ADGRL2: variants seen among roughly 807,000 people sequenced by gnomAD.
The protein encoded by ADGRL2 is adhesion G protein-coupled receptor L2.
Under a neutral mutation model 157.4 loss-of-function variants are expected in ADGRL2, and 44 were observed. That is an observed-to-expected ratio of 0.28 (90% CI 0.22 to 0.36). The LOEUF (loss-of-function observed/expected upper bound fraction) is 0.36. ADGRL2 is among the 10% of genes least tolerant of loss of function. The probability of loss-of-function intolerance (pLI) is 1.00; values close to 1 mark genes in which losing one functional copy is unlikely to be tolerated. For missense variants in ADGRL2, 1,510 were observed against 1,768.9 expected (o/e 0.85, Z 2.63); for synonymous variants, 585 against 624.7 (o/e 0.94, Z 0.95).
intron 17 of ADGRL2, among the ~76,000 whole-genome samples, chr1:81,978,565 T>A (rs1001305435): frequency 1.3e-5 from 2 of 151,800 alleles, no homozygotes; most frequent in Admixed American, 6.6e-5. Flanking sequence ...AGAGAAATCA[T>A]AGGGCACAGT....
intron 1 of ADGRL2, among the ~76,000 whole-genome samples, chr1:81,822,137 G>A (rs1013273463): frequency 2.7e-5 from 4 of 149,836 alleles, no homozygotes; most frequent in Non-Finnish European, 4.4e-5. Flanking sequence ...GAACTGGAGT[G>A]CCGTTGTCTG....
chr1:81,660,925 A>T (rs2082637576), intron 3 of ADGRL2, among the ~76,000 whole-genome samples: 1 of 152,216 alleles, frequency 6.6e-6, no homozygotes, highest in Non-Finnish European at 1.5e-5. Flanking sequence ...CTGTTAGAGG[A>T]GAGTTCAGGG....
intron 1 of ADGRL2, among the ~76,000 whole-genome samples, chr1:81,342,938 T>C (rs1662180432): frequency 6.6e-6 from 1 of 152,090 alleles, no homozygotes. Flanking sequence ...GAAATGTCTG[T>C]CAATAGATAC....
chr1:81,825,060 A>G (rs1258241330), intron 1 of ADGRL2, among the ~76,000 whole-genome samples: 5 of 151,528 alleles, frequency 3.3e-5, no homozygotes, highest in African/African-American at 7.3e-5. Flanking sequence ...AATACATACA[A>G]TAGGGCTGGG....
At chr1:81,531,083 CAAA>C (rs66485040) in intron 2 of ADGRL2, among the ~76,000 whole-genome samples, 17 of 120,016 alleles carry the variant, frequency 1.4e-4, no homozygotes, top group Non-Finnish European at 1.7e-4. Flanking sequence ...GACTCTGTTT[CAAA>C]AAAAAAAAAA....
Position 81,747,677 on chromosome 1 carries a change from G to A in ADGRL2, c.-142-14134G>A, listed in dbSNP as rs143830933. On this transcript the variant is annotated intron_variant, in intron 1 of 20. Transcript: ENST00000359929. Reference sequence around the variant, plus strand: ...ATTCAACATAGTCCTTTATTTGACTGAAAAATAATTTTTCCTTTAATGTTT... The same window carrying A: ...ATTCAACATAGTCCTTTATTTGACTAAAAAATAATTTTTCCTTTAATGTTT... Among the ~76,000 whole-genome samples the A allele has an allele frequency of 2.7e-3, 404 of 150,996 alleles. 1 individual carries two copies. Among genetic ancestry groups the A allele is most frequent in the African/African-American group, 9.4e-3 (386 of 41,070 alleles).
At chr1:81,445,134 A>G (rs1377276611) in intron 2 of ADGRL2, 1 of 152,196 alleles carries the variant, frequency 6.6e-6, no homozygotes, top group Non-Finnish European at 1.5e-5. Flanking sequence ...TTCAATTATG[A>G]TATGAATTCA....
chr1:81,685,277 T>C (rs1299602199), intron 3 of ADGRL2, among the ~76,000 whole-genome samples: 1 of 152,214 alleles, frequency 6.6e-6, no homozygotes, highest in Non-Finnish European at 1.5e-5. Flanking sequence ...GCATAGGATG[T>C]GTTTCCATTA....
intron 1 of ADGRL2, among the ~76,000 whole-genome samples, chr1:81,378,258 G>A (rs188189984): frequency 7.2e-5 from 11 of 152,156 alleles, no homozygotes; most frequent in Admixed American, 7.2e-4. Context: ...TGTCATCAAG[G>A]TGTCCAAGTT....
intron 2 of ADGRL2, among the ~76,000 whole-genome samples, chr1:81,782,521 G>T (rs1246369833): frequency 6.6e-6 from 1 of 152,160 alleles, no homozygotes; most frequent in African/African-American, 2.4e-5. Context: ...TACACCCAGT[G>T]AGCCTATTCT....
At chr1:81,429,209 T>C (rs2077275444) in intron 1 of ADGRL2, among the ~76,000 whole-genome samples, 1 of 152,082 alleles carries the variant, frequency 6.6e-6, no homozygotes, top group South Asian at 2.1e-4. Context: ...TTCCTAGTTT[T>C]CCCACTTCCT....
Position 81,472,993 on chromosome 1 carries a change from T to G in ADGRL2, c.-248+27904T>G, listed in dbSNP as rs555270249. Reference sequence around the variant, plus strand: ...CCCGTTCATTTCTTTCTCAACCACTTTATGGAAATTTTCTCCACAATTAGG... The same window carrying G: ...CCCGTTCATTTCTTTCTCAACCACTGTATGGAAATTTTCTCCACAATTAGG... On this transcript the variant is annotated intron_variant, in intron 2 of 24. Coordinates refer to the ADGRL2 transcript ENST00000370721. Among the ~76,000 whole-genome samples the G allele has an allele frequency of 2.0e-5, 3 of 152,172 alleles. No homozygotes were observed. In the East Asian group the frequency reaches 5.8e-4, roughly 30 times the overall value.
chr1:81,637,980 G>A (rs928963963), intron 3 of ADGRL2, among the ~76,000 whole-genome samples: 2 of 151,780 alleles, frequency 1.3e-5, no homozygotes, highest in Admixed American at 6.6e-5. Flanking sequence ...TTTGAATTGG[G>A]ACTTAAATAT....
intron 1 of ADGRL2, among the ~76,000 whole-genome samples, chr1:81,746,880 G>T (rs956339996): frequency 6.7e-6 from 1 of 148,338 alleles, no homozygotes; most frequent in African/African-American, 2.5e-5. Context: ...ATATACACAC[G>T]TGCACACGTA....
Position 81,703,313 on chromosome 1 carries a change from G to A in ADGRL2, c.-143+3505G>A, listed in dbSNP as rs531163743. Among the ~76,000 whole-genome samples the A allele has an allele frequency of 1.4e-4, 21 of 152,330 alleles. No homozygotes were observed. The South Asian group carries it at 4.3e-3, about 32-fold the overall frequency. ...ATTTGAGCATGTTTGCAGAAGGGAAGAAATTAGTGGAGCAGGGGCAATTGG... is the reference window on the plus strand; with the variant it reads ...ATTTGAGCATGTTTGCAGAAGGGAAAAAATTAGTGGAGCAGGGGCAATTGG... On this transcript the variant is annotated intron_variant, in intron 1 of 20. Transcript: ENST00000359929.
At chr1:81,725,893 G>T (rs1043813632) in intron 1 of ADGRL2, among the ~76,000 whole-genome samples, 4 of 152,134 alleles carry the variant, frequency 2.6e-5, no homozygotes, top group African/African-American at 9.7e-5. Context: ...TGAGGTGGGA[G>T]AATTGCTTGA....
intron 1 of ADGRL2, among the ~76,000 whole-genome samples, chr1:81,830,998 C>T (rs1434316023): frequency 5.3e-5 from 8 of 152,042 alleles, no homozygotes; most frequent in South Asian, 2.1e-4. Flanking sequence ...TGGCCAGTAA[C>T]GGTGATTTAT....
chr1:81,534,161 ATTTATTT>A (rs2079675724), intron 2 of ADGRL2, among the ~76,000 whole-genome samples: 1 of 151,704 alleles, frequency 6.6e-6, no homozygotes, highest in Admixed American at 6.6e-5. Context: ...TTTATTTACT[ATTTATTT>A]TTTATTTTTT....
intron 1 of ADGRL2, among the ~76,000 whole-genome samples, chr1:81,721,137 G>T (rs1215404831): frequency 6.7e-6 from 1 of 150,324 alleles, no homozygotes; most frequent in Admixed American, 6.7e-5. Context: ...CTCCCAAAGT[G>T]CTGGGATTAC....
Sources: allele counts gnomAD v4.1 joint callset (sites outside exome capture counted in the v4.1 genomes callset), GRCh38; gene constraint gnomAD v4.1.1; transcripts MANE v1.5; gene names NCBI Gene and HGNC (gene_info 2026-07-23, HGNC 2026-07-21).